CDH23: variants seen among roughly 807,000 people sequenced by gnomAD.
CDH23 encodes cadherin related 23.
A neutral mutation model predicts 317.1 loss-of-function variants in CDH23; 189 were observed. The observed-to-expected ratio is 0.60, with a 90% CI of 0.53 to 0.67. The LOEUF (loss-of-function observed/expected upper bound fraction) is 0.67. Among genes scored for constraint, CDH23 ranks in the 30% least tolerant of loss-of-function variants. The probability of loss-of-function intolerance (pLI) is 0.00; values close to 1 mark genes in which losing one functional copy is unlikely to be tolerated. For synonymous variants in CDH23, 1,839 were observed against 1,876.8 expected (o/e 0.98, Z 0.52); for missense variants, 4,401 against 4,592.4 (o/e 0.96, Z 1.20).
intron 9 of CDH23, among the ~76,000 whole-genome samples, chr10:71,590,894 AAAC>A (rs535922387): frequency 0.078 from 10,202 of 131,596 alleles, 1,274 homozygotes; most frequent in African/African-American, 0.15. Flanking sequence ...AAACAAAAAA[AAAC>A]AAAAAAAAAC....
intron 32 of CDH23, chr10:71,732,727 GCTGGTATCC>G: frequency 8.5e-7 from 1 of 1,180,386 alleles, no homozygotes. Context: ...ACCTATGCAG[GCTGGTATCC>G]TTCTGTTTTT....
At chr10:71,482,803 C>T (rs948673703) in intron 3 of CDH23, among the ~76,000 whole-genome samples, 80 of 152,146 alleles carry the variant, frequency 5.3e-4, no homozygotes, top group Admixed American at 5.0e-3. Context: ...GTCAGGTGCC[C>T]GAGTTGAGCG....
intron 3 of CDH23, among the ~76,000 whole-genome samples, chr10:71,504,630 TC>T (rs1853532503): frequency 6.6e-6 from 1 of 152,168 alleles, no homozygotes; most frequent in African/African-American, 2.4e-5. Context: ...GGATGCCCCT[TC>T]CCCATGAGGG....
At chr10:71,755,561 G>A in intron 38 of CDH23, 1 of 1,167,016 alleles carries the variant, frequency 8.6e-7, no homozygotes, top group Non-Finnish European at 1.2e-6. Flanking sequence ...CAGGAAGCAG[G>A]AGACCCGCCT....
rs748338206 is a variant in CDH23 at position 71,425,232 on chromosome 10, G to GGA, written c.-5-14559_-5-14558dup. On this transcript the variant is annotated intron_variant, in intron 1 of 69. Coordinates refer to ENST00000224721, the MANE Select transcript of CDH23 (RefSeq NM_022124.6). ...ATCACAGTGGGGCAGAGAGAGAGAG[G>GGA]GAGAGAGAGAGAGAGAGAGAGAGAG... Among the ~76,000 whole-genome samples the GGA allele has an allele frequency of 4.2e-3, 314 of 73,948 alleles. 4 individuals carry two copies. The highest frequency in any genetic ancestry group is 0.019 in the East Asian group (44 of 2,300). 48.5% of individuals were successfully genotyped at this position (73,948 alleles called of 152,430 possible).
At chr10:71,705,907 G>A (rs1865771423) in intron 25 of CDH23, among the ~76,000 whole-genome samples, 1 of 152,150 alleles carries the variant, frequency 6.6e-6, no homozygotes, top group South Asian at 2.1e-4. Context: ...GCTCAGCACA[G>A]GCTCAGACAC....
intron 6 of CDH23, among the ~76,000 whole-genome samples, chr10:71,547,767 G>A (rs1024805798): frequency 6.6e-6 from 1 of 152,226 alleles, no homozygotes; most frequent in African/African-American, 2.4e-5. Flanking sequence ...TGGAGCCGGG[G>A]ACACAGTTTC....
At chr10:71,528,580 A>G (rs1855176629) in intron 6 of CDH23, among the ~76,000 whole-genome samples, 1 of 152,244 alleles carries the variant, frequency 6.6e-6, no homozygotes, top group South Asian at 2.1e-4. Context: ...TGTGAAGGGT[A>G]ATTGAGCTGA....
chr10:71,588,428 T>G (rs1037708944), intron 9 of CDH23, among the ~76,000 whole-genome samples: 21 of 152,158 alleles, frequency 1.4e-4, no homozygotes, highest in Admixed American at 6.5e-5. Flanking sequence ...AGGGTTATTT[T>G]AAGCGTCAGA....
intron 3 of CDH23, among the ~76,000 whole-genome samples, chr10:71,496,509 C>T (rs149030786): frequency 3.6e-3 from 544 of 152,214 alleles, no homozygotes; most frequent in Non-Finnish European, 6.1e-3. Flanking sequence ...CATCACCTGG[C>T]GATTTAGAAC....
rs149994205 is a variant in CDH23 at position 71,487,452 on chromosome 10, G to C, written c.146-22630G>C. Among the ~76,000 whole-genome samples, 543 of 152,300 alleles carry C rather than the reference G, an allele frequency of 3.6e-3. 3 individuals carry two copies. Among genetic ancestry groups the C allele is most frequent in the African/African-American group, 0.012 (518 of 41,558 alleles). ...ACTTGCTTACATGGACGTGACATAA[G>C]CGTGTCTCTAGAAAGAGACATAAGA... On this transcript the variant is annotated intron_variant, in intron 3 of 69. Transcript: ENST00000224721.
At position 71,741,926 on chromosome 10, in the gene CDH23, G is replaced by C; in HGVS notation, c.4845+5G>C. 6.3e-7 allele frequency: 1 copy of C among 1,579,704 alleles called. No individual in the cohort carries two copies. The highest frequency in any genetic ancestry group is 8.6e-7 in the Non-Finnish European group (1 of 1,161,746). On this transcript the variant is annotated splice_donor_5th_base_variant and intron_variant, in intron 38 of 69. Transcript: ENST00000224721. ...GAGGGCACCCCAACCCTGTCGGTGA[G>C]CGATGGGGGTGGCCACAGGGAGGAG...
intron 38 of CDH23, among the ~76,000 whole-genome samples, chr10:71,746,372 C>G (rs10999982): frequency 0.02 from 3,086 of 152,328 alleles, 211 homozygotes; most frequent in East Asian, 0.2. Context: ...TTCCTGAGAG[C>G]TGGACATTCC....
Position 71,793,590 on chromosome 10 carries a change from A to T in CDH23, c.6662A>T (p.Asp2221Val). Residue 2221 changes from aspartate to valine, a missense_variant, in exon 48 of 70, where the codon GAT becomes GTT. Around this residue, in one of 3 missense-constraint regions of CDH23, gnomAD observed 3,068 missense variants for 3,203.3 expected, o/e 0.96. Coordinates refer to ENST00000224721, the MANE Select transcript of CDH23 (RefSeq NM_022124.6). ...GGCATTGTGGCCAAGGACGACACTG[A>T]TCGCCTGGTGCCCAACCAGGAGGAC... ...IVGIVAKDDTDRLVPNQEDAF... is the reference protein window; with the variant it reads ...IVGIVAKDDTVRLVPNQEDAF... 6.2e-7 allele frequency: 1 copy of T among 1,609,286 alleles called. No homozygotes were observed. The highest frequency in any genetic ancestry group is 8.5e-7 in the Non-Finnish European group (1 of 1,176,508).
intron 1 of CDH23, among the ~76,000 whole-genome samples, chr10:71,418,429 A>G (rs1272387709): frequency 1.3e-5 from 2 of 151,500 alleles, no homozygotes; most frequent in African/African-American, 2.4e-5. Context: ...TCCATCAGCA[A>G]CTCTCCAGGG....
intron 38 of CDH23, among the ~76,000 whole-genome samples, chr10:71,744,940 CCT>C (rs1839819776): frequency 6.6e-6 from 1 of 152,244 alleles, no homozygotes; most frequent in Non-Finnish European, 1.5e-5. Flanking sequence ...AATTTTTCCC[CCT>C]GCTTCTCCAA....
rs941168323 is a variant in CDH23 at position 71,607,771 on chromosome 10, T to C, written c.833-7733T>C. Among the ~76,000 whole-genome samples, 16 of 152,106 alleles carry C rather than the reference T, an allele frequency of 1.1e-4. 1 individual carries two copies. Among genetic ancestry groups the C allele is most frequent in the African/African-American group, 3.6e-4 (15 of 41,402 alleles). ...TACAAAAATTAGCTGAGCGCAGTGG[T>C]GTGCACCTGCAGTCCCAGCTACTAG... On this transcript the variant is annotated intron_variant, in intron 9 of 69. Transcript: ENST00000224721.
At chr10:71,711,447 TGACCACTCTTGCCTG>T (rs1200482602) in intron 27 of CDH23, among the ~76,000 whole-genome samples, 2 of 152,030 alleles carry the variant, frequency 1.3e-5, no homozygotes, top group African/African-American at 4.8e-5. Context: ...CCCCCTGGGG[TGACCACTCTTGCCTG>T]GACATGCAGC....
At chr10:71,508,598 C>T (rs923847533) in intron 3 of CDH23, among the ~76,000 whole-genome samples, 1 of 152,136 alleles carries the variant, frequency 6.6e-6, no homozygotes, top group Non-Finnish European at 1.5e-5. Context: ...AGATAAAATT[C>T]CAAGAATTTG....
Sources: gnomAD v4.1 joint callset for allele counts (sites outside exome capture counted in the v4.1 genomes callset) on GRCh38, gnomAD v4.1.1 for gene constraint, gnomAD v4.1.1 regional missense constraint, MANE v1.5 for transcripts, NCBI Gene and HGNC (gene_info 2026-07-23, HGNC 2026-07-21) for gene names.